CPT1A: variants seen among roughly 807,000 people sequenced by gnomAD.
The protein encoded by CPT1A is carnitine palmitoyltransferase 1A, also known as carnitine O-palmitoyltransferase 1, liver isoform.
CPT1A carries 64 observed loss-of-function variants against 100.8 expected under a neutral mutation model. The observed-to-expected ratio is 0.63, with a 90% CI of 0.52 to 0.78. The LOEUF is 0.78. Among genes scored for constraint, CPT1A ranks in the 30% least tolerant of loss-of-function variants. CPT1A has a pLI of 0.00. For missense variants in CPT1A, 802 were observed against 1,034.1 expected (o/e 0.78, Z 3.08); for synonymous variants, 363 against 396.0 (o/e 0.92, Z 0.99).
At chr11:68,829,013 G>A (rs1263043312) in intron 1 of CPT1A, among the ~76,000 whole-genome samples, 1 of 152,100 alleles carries the variant, frequency 6.6e-6, no homozygotes, top group Non-Finnish European at 1.5e-5. Flanking sequence ...GACCTTCCAA[G>A]CACGTCTTCA....
rs1856468668 is a variant in CPT1A at position 68,817,694 on chromosome 11, C to T, written c.-13-2207G>A. Among the ~76,000 whole-genome samples the T allele has an allele frequency of 2.8e-5, 3 of 106,112 alleles. No individual in the cohort carries two copies. The Admixed American group carries it at 3.3e-4, about 12-fold the overall frequency. The allele number at this position is 106,112 out of a possible 152,430, so 69.6% of individuals were successfully genotyped here. A position where few individuals can be genotyped will look rare whatever the true frequency, so the allele number is the denominator to read the frequency against. On this transcript the variant is annotated intron_variant, in intron 1 of 18. Transcript: ENST00000265641. ...GGGGTCAAGGGCAGGTGTCTGGGGT[C>T]AAGGGCAGGTGGCTGGGGTCAAGGG... is the stretch of plus-strand genomic sequence containing the variant.
Position 68,785,014 on chromosome 11 carries a change from A to C in CPT1A, c.968-4T>G, listed in dbSNP as rs1186244631. On this transcript the variant is annotated splice_polypyrimidine_tract_variant and splice_region_variant and intron_variant, in intron 9 of 18. Coordinates refer to ENST00000265641, the MANE Select transcript of CPT1A (RefSeq NM_001876.4). ...TCTCTCATGTGCTGGATGGTGTCTG[A>C]GCCGGCCGCAGGTTGGAGACACAAA... The C allele has an allele frequency of 6.2e-7, 1 of 1,613,272 alleles. No homozygotes were observed. Among genetic ancestry groups the C allele is most frequent in the Non-Finnish European group, 8.5e-7 (1 of 1,179,986 alleles).
chr11:68,817,171 TG>T (rs1856451140), intron 1 of CPT1A, among the ~76,000 whole-genome samples: 1 of 143,602 alleles, frequency 7.0e-6, no homozygotes, highest in African/African-American at 2.7e-5. Flanking sequence ...GTGTGTGTGG[TG>T]TGTGTGTGTG....
intron 10 of CPT1A, among the ~76,000 whole-genome samples, chr11:68,784,471 T>C (rs1201797819): frequency 6.6e-6 from 1 of 151,950 alleles, no homozygotes; most frequent in Non-Finnish European, 1.5e-5. Flanking sequence ...GAGGCGGAGG[T>C]TGCTGTGAGC....
chr11:68,768,441 T>C (rs1056224066), intron 14 of CPT1A, among the ~76,000 whole-genome samples: 1 of 151,754 alleles, frequency 6.6e-6, no homozygotes, highest in Admixed American at 6.6e-5. Flanking sequence ...GTTTTGTTCT[T>C]ATTGCTCAGG....
chr11:68,756,321 T>C lies in CPT1A; in HGVS notation c.*1323A>G, dbSNP rs1043297730. On this transcript the variant is annotated 3_prime_UTR_variant, in exon 19 of 19. Coordinates refer to ENST00000265641, the MANE Select transcript of CPT1A (RefSeq NM_001876.4). ...GACAGACAGTGGGAATTTCATTCCATGATGCTTCATTTTTGCATTAAATAC... is the reference window on the plus strand; with the variant it reads ...GACAGACAGTGGGAATTTCATTCCACGATGCTTCATTTTTGCATTAAATAC... The C allele has an allele frequency of 4.6e-5, 7 of 152,238 alleles. No homozygotes were observed. Among genetic ancestry groups the C allele is most frequent in the Admixed American group, 2.6e-4 (4 of 15,284 alleles). 9.4% of individuals were successfully genotyped at this position (152,238 alleles called of 1,614,324 possible).
At chr11:68,761,283 G>A (rs984713022) in intron 16 of CPT1A, among the ~76,000 whole-genome samples, 11 of 150,366 alleles carry the variant, frequency 7.3e-5, no homozygotes, top group South Asian at 4.4e-4. Context: ...ACTTCCGTGC[G>A]TCTTACTGTG....
intron 9 of CPT1A, chr11:68,785,957 C>T (rs1292288278): frequency 2.9e-6 from 2 of 698,816 alleles, no homozygotes; most frequent in Non-Finnish European, 2.6e-6. Context: ...GAAGTACGTT[C>T]ACTCCACGAA....
At chr11:68,784,180 G>A (rs2153998288) in intron 10 of CPT1A, among the ~76,000 whole-genome samples, 1 of 152,318 alleles carries the variant, frequency 6.6e-6, no homozygotes, top group East Asian at 1.9e-4. Context: ...TTTTCACTGA[G>A]GCAAGGAAAT....
At position 68,757,721 on chromosome 11, in the gene CPT1A, G is replaced by A. The variant is rs1246687899; in HGVS notation, c.2245C>T (p.Arg749Cys). ...KFSCPETDSH[R>C]FGRHLKEAMT... ...GCTTCTTTCAGGTGCCTTCCAAAGC[G>A]ATGAGAATCCTTTCATGTAAAAACA... Residue 749 changes from arginine (R) to cysteine (C), a missense_variant, in exon 19 of 19, where the codon CGC becomes TGC. Physicochemically the swap from Arg to Cys is radical, Grantham distance 180. This residue lies in a region of CPT1A where 627 missense variants were observed against 799.3 expected (regional missense o/e 0.78). Transcript: ENST00000265641. 2 of 1,613,804 alleles carry A rather than the reference G, an allele frequency of 1.2e-6. No individual in the cohort carries two copies. The highest frequency in any genetic ancestry group is 1.7e-5 in the Admixed American group (1 of 60,012).
intron 9 of CPT1A, among the ~76,000 whole-genome samples, chr11:68,790,447 T>A (rs1855582684): frequency 6.6e-6 from 1 of 152,062 alleles, no homozygotes; most frequent in African/African-American, 2.4e-5. Flanking sequence ...CCAAATCCAA[T>A]GACTGTTGTC....
At chr11:68,843,353 C>T (rs369178063), upstream of CPT1A, among the ~76,000 whole-genome samples, 31 of 151,322 alleles carry the variant, frequency 2.0e-4, no homozygotes, top group African/African-American at 7.5e-4. This position sits in a 1 kb window ranked among gnomAD's most constrained non-coding sequence, Gnocchi z 4.0. Flanking sequence ...ACAATTAGGG[C>T]CTCCTCCCCG....
intron 5 of CPT1A, among the ~76,000 whole-genome samples, chr11:68,800,500 A>AG (rs1199830414): frequency 6.6e-6 from 1 of 151,610 alleles, no homozygotes; most frequent in East Asian, 1.9e-4. Flanking sequence ...CAAAAAAAAA[A>AG]AAAAAAAATA....
rs781040444 is a variant in CPT1A at position 68,812,455 on chromosome 11, T to C, written c.263A>G (p.Asn88Ser). ...TACTTACGCCGTTTCCAGAGTCCGA[T>C]TGATTTTTGCAATTATTCCTAACGA... The part of the protein sequence containing the change: ...DPSLGIIAKI[N>S]RTLETANCMS... Residue 88 changes from asparagine (N) to serine (S), a missense_variant, in exon 3 of 19, where the codon AAT becomes AGT. Physicochemically the swap from Asn to Ser is conservative, Grantham distance 46. Coordinates refer to ENST00000265641, the MANE Select transcript of CPT1A (RefSeq NM_001876.4). The C allele has an allele frequency of 3.5e-5, 57 of 1,614,096 alleles. No homozygotes were observed. The East Asian group carries it at 4.2e-4, about 12-fold the overall frequency.
Position 68,759,629 on chromosome 11 carries a change from G to A in CPT1A, c.2175C>T (p.Ile725=). The change falls in exon 18 of 19, where the codon ATC becomes ATT. Residue 725 remains isoleucine (I), a synonymous_variant. Transcript: ENST00000265641. ...AATTGATGAGGTTCTCTCCCACAAG[G>A]ATGTACGACACACCATAGCCGTCAT... The part of the protein sequence containing the change: ...VADDGYGVSY[I]LVGENLINFH... 6.2e-7 allele frequency: 1 copy of A among 1,613,824 alleles called. No homozygotes were observed. Among genetic ancestry groups the A allele is most frequent in the Non-Finnish European group, 8.5e-7 (1 of 1,179,768 alleles).
At chr11:68,764,565 G>A (rs1036392019) in intron 14 of CPT1A, among the ~76,000 whole-genome samples, 2 of 152,054 alleles carry the variant, frequency 1.3e-5, no homozygotes, top group African/African-American at 4.8e-5. Flanking sequence ...ACTCAGCTGG[G>A]GAACGGAGAG....
At chr11:68,812,095 C>A (rs1369767134) in intron 3 of CPT1A, among the ~76,000 whole-genome samples, 3 of 152,200 alleles carry the variant, frequency 2.0e-5, no homozygotes, top group African/African-American at 7.2e-5. Flanking sequence ...CATGGGGAAT[C>A]AGCCCTTTGA....
intron 14 of CPT1A, among the ~76,000 whole-genome samples, chr11:68,769,403 ATTTTTTTT>A (rs528320899): frequency 1.5e-5 from 2 of 133,318 alleles, no homozygotes; most frequent in African/African-American, 2.8e-5. Flanking sequence ...TGCTGGGCTA[ATTTTTTTT>A]TTTTTTTTTT....
At chr11:68,795,117 C>A (rs976752860) in intron 7 of CPT1A, among the ~76,000 whole-genome samples, 5 of 152,130 alleles carry the variant, frequency 3.3e-5, no homozygotes, top group Non-Finnish European at 7.4e-5. Flanking sequence ...GAACATAAGT[C>A]CTCTAAAACT....
Sources: allele counts gnomAD v4.1 joint callset (sites outside exome capture counted in the v4.1 genomes callset), GRCh38; gene constraint gnomAD v4.1.1; regional missense constraint gnomAD v4.1.1; non-coding constraint Gnocchi (gnomAD v3.1); transcripts MANE v1.5; gene names NCBI Gene and HGNC (gene_info 2026-07-23, HGNC 2026-07-21).